Variants in MYO1D observed in about 807,000 individuals in gnomAD.
The protein encoded by MYO1D is myosin ID.
MYO1D carries 83 observed loss-of-function variants against 122.0 expected under a neutral mutation model. The observed-to-expected ratio is 0.68, with a 90% CI of 0.57 to 0.82. The LOEUF is 0.82. Among genes scored for constraint, MYO1D ranks in the 40% least tolerant of loss-of-function variants. The probability of loss-of-function intolerance (pLI) is 0.00; values close to 1 mark genes in which losing one functional copy is unlikely to be tolerated. For missense variants in MYO1D, 1,157 were observed against 1,269.5 expected (o/e 0.91, Z 1.35); for synonymous variants, 464 against 446.9 (o/e 1.04, Z -0.48).
chr17:32,584,351 G>A (rs1224109515), intron 21 of MYO1D, among the ~76,000 whole-genome samples: 1 of 152,138 alleles, frequency 6.6e-6, no homozygotes, highest in East Asian at 1.9e-4. Context: ...ATATGTGACT[G>A]AACCTCAAGA....
At chr17:32,829,750 G>A (rs891373624) in intron 1 of MYO1D, among the ~76,000 whole-genome samples, 1 of 152,030 alleles carries the variant, frequency 6.6e-6, no homozygotes, top group African/African-American at 2.4e-5. Flanking sequence ...CACCAAGCCC[G>A]GCTTCATGTT....
intron 16 of MYO1D, among the ~76,000 whole-genome samples, chr17:32,699,803 C>T (rs1276529806): frequency 4.6e-5 from 7 of 152,020 alleles, no homozygotes; most frequent in Admixed American, 4.6e-4. Flanking sequence ...ACTGTTCTTC[C>T]TATTTTTGTG....
chr17:32,622,756 A>G (rs564351149), intron 20 of MYO1D, among the ~76,000 whole-genome samples: 24 of 152,324 alleles, frequency 1.6e-4, no homozygotes, highest in Non-Finnish European at 7.3e-5. Flanking sequence ...GGCAAAGAGC[A>G]GTTTCTAATT....
chr17:32,528,441 A>AT (rs1316336696), intron 21 of MYO1D, among the ~76,000 whole-genome samples: 4 of 151,904 alleles, frequency 2.6e-5, no homozygotes, highest in Non-Finnish European at 5.9e-5. Flanking sequence ...AGGGGTGTGT[A>AT]TATGTGTGTG....
chr17:32,568,058 G>A (rs1377267902), intron 21 of MYO1D, among the ~76,000 whole-genome samples: 3 of 145,082 alleles, frequency 2.1e-5, no homozygotes, highest in Non-Finnish European at 4.7e-5. Flanking sequence ...AAAAGGTCAC[G>A]CAAACTTCTG....
intron 21 of MYO1D, among the ~76,000 whole-genome samples, chr17:32,573,406 C>T (rs1327835305): frequency 2.6e-5 from 4 of 152,278 alleles, no homozygotes; most frequent in South Asian, 4.1e-4. Flanking sequence ...GGATCTGCTA[C>T]CTTTGACTCT....
intron 1 of MYO1D, among the ~76,000 whole-genome samples, chr17:32,784,248 T>C (rs1240502241): frequency 6.6e-6 from 1 of 152,140 alleles, no homozygotes; most frequent in South Asian, 2.1e-4. Flanking sequence ...ATGAGCTAAT[T>C]ACAGTTCCCA....
intron 21 of MYO1D, among the ~76,000 whole-genome samples, chr17:32,586,771 C>T (rs17807205): frequency 0.16 from 24,142 of 152,086 alleles, 2,100 homozygotes; most frequent in Middle Eastern, 0.28. Context: ...AAACCTTTAC[C>T]TGCCTTCAGT....
intron 14 of MYO1D, among the ~76,000 whole-genome samples, chr17:32,726,139 T>C (rs1281626400): frequency 6.6e-6 from 1 of 151,768 alleles, no homozygotes; most frequent in East Asian, 1.9e-4. Flanking sequence ...AATATAGGGG[T>C]TGGGTGCAGT....
chr17:32,760,289 CAT>C lies in MYO1D; in HGVS notation c.1295_1296del (p.Ile433Ter), dbSNP rs2151015874. ...EYQREGIPWKHIDYFNNQIIV... is the reference protein window; with the variant it reads ...EYQREGIPWKXIDYFNNQIIV... The stretch of plus-strand genomic sequence containing the variant: ...GGCATTTTCCATAAGAGTCCACTCA[CAT>C]GTTTCCAGGGGATCCCTTCCCGCTG... On this transcript the variant is annotated frameshift_variant and splice_region_variant, in exon 10 of 22. Transcript: ENST00000318217. LOFTEE classifies it high-confidence loss of function. 6.2e-7 allele frequency: 1 copy of C among 1,600,660 alleles called. No homozygotes were observed. The highest frequency in any genetic ancestry group is 1.1e-5 in the South Asian group (1 of 89,988).
intron 21 of MYO1D, among the ~76,000 whole-genome samples, chr17:32,552,250 A>AT (rs1289324727): frequency 6.6e-6 from 1 of 151,966 alleles, no homozygotes; most frequent in Non-Finnish European, 1.5e-5. Context: ...TAATTTTTGT[A>AT]TTTTTTGTAG....
intron 16 of MYO1D, 100 bp from the exon 17 acceptor site, chr17:32,659,438 C>G (rs759101929): frequency 5.9e-5 from 73 of 1,245,960 alleles, no homozygotes; most frequent in Non-Finnish European, 8.1e-5. Context: ...CTCAACCAGG[C>G]AACTTGCAAG....
intron 21 of MYO1D, among the ~76,000 whole-genome samples, chr17:32,561,273 TATAAC>T (rs1271070338): frequency 2.6e-5 from 4 of 152,296 alleles, no homozygotes; most frequent in East Asian, 3.9e-4. Context: ...AACCGGCACT[TATAAC>T]ATCCATCACT....
intron 4 of MYO1D, among the ~76,000 whole-genome samples, chr17:32,773,394 T>C (rs2090140068): frequency 6.6e-6 from 1 of 152,200 alleles, no homozygotes; most frequent in Admixed American, 6.5e-5. Flanking sequence ...GTTTAATCAC[T>C]GCAGGGACGC....
chr17:32,516,821 T>C (rs1909909383), intron 21 of MYO1D, among the ~76,000 whole-genome samples: 1 of 152,366 alleles, frequency 6.6e-6, no homozygotes, highest in East Asian at 1.9e-4. Context: ...GATCTGCTGC[T>C]ACTTGCTACA....
At chr17:32,859,274 T>C (rs992858286) in intron 1 of MYO1D, among the ~76,000 whole-genome samples, 14 of 152,364 alleles carry the variant, frequency 9.2e-5, no homozygotes, top group Admixed American at 5.9e-4. Context: ...CTCTCTTTTA[T>C]GACCATGAGA....
At chr17:32,740,294 C>A (rs1244308184) in intron 13 of MYO1D, among the ~76,000 whole-genome samples, 1 of 152,166 alleles carries the variant, frequency 6.6e-6, no homozygotes, top group African/African-American at 2.4e-5. Context: ...GTTTCTACTC[C>A]AAATTCTTTG....
At chr17:32,631,569 C>T (rs561370466) in intron 20 of MYO1D, among the ~76,000 whole-genome samples, 1 of 151,956 alleles carries the variant, frequency 6.6e-6, no homozygotes, top group Non-Finnish European at 1.5e-5. Context: ...AATGCTTGAT[C>T]CCAGGAGTTT....
chr17:32,646,438 C>T (rs924481334), intron 19 of MYO1D, among the ~76,000 whole-genome samples: 21 of 151,760 alleles, frequency 1.4e-4, no homozygotes, highest in African/African-American at 5.1e-4. Context: ...AGAAGAAGAC[C>T]CTCTCTGTAA....
Sources: allele counts gnomAD v4.1 joint callset (sites outside exome capture counted in the v4.1 genomes callset), GRCh38; gene constraint gnomAD v4.1.1; transcripts MANE v1.5; gene names NCBI Gene and HGNC (gene_info 2026-07-23, HGNC 2026-07-21).